DIDO1: variants seen among roughly 807,000 people sequenced by gnomAD.
DIDO1 encodes the protein death inducer-obliterator 1.
DIDO1 carries 16 observed loss-of-function variants against 99.4 expected under a neutral mutation model. That is an observed-to-expected ratio of 0.16 (90% confidence interval 0.11 to 0.24). The LOEUF is 0.24. Ranked by LOEUF, DIDO1 falls within the 10% of genes least tolerant of loss-of-function variation. The pLI, the probability that DIDO1 is intolerant of heterozygous loss-of-function variation, is 1.00. For missense variants in DIDO1, 2,996 were observed against 3,014.0 expected (o/e 0.99, Z 0.14); for synonymous variants, 1,366 against 1,239.1 (o/e 1.10, Z -2.15).
chr20:62,897,872 G>A (rs1207805169), intron 6 of DIDO1, among the ~76,000 whole-genome samples: 1 of 152,238 alleles, frequency 6.6e-6, no homozygotes, highest in Non-Finnish European at 1.5e-5. Context: ...GCATGCCGGG[G>A]CAGGGATCCA....
intron 15 of DIDO1, chr20:62,890,343 C>G (rs2064372207): frequency 1.9e-5 from 19 of 986,146 alleles, no homozygotes; most frequent in Non-Finnish European, 2.3e-5. Flanking sequence ...CCCCTGGAAT[C>G]ACCCTCAACC....
intron 6 of DIDO1, among the ~76,000 whole-genome samples, chr20:62,899,771 T>A (rs987819923): frequency 3.3e-5 from 5 of 152,182 alleles, no homozygotes; most frequent in African/African-American, 1.2e-4. Context: ...AAGCCGGGCC[T>A]CTGGGAGCAG....
At chr20:62,906,805 C>T (rs1000244659) in intron 5 of DIDO1, among the ~76,000 whole-genome samples, 33 of 152,282 alleles carry the variant, frequency 2.2e-4, no homozygotes, top group Admixed American at 4.6e-4. Flanking sequence ...GCCCCGAACC[C>T]GCCTCCCACT....
At chr20:62,906,768 C>T (rs998430131) in intron 5 of DIDO1, among the ~76,000 whole-genome samples, 2 of 152,054 alleles carry the variant, frequency 1.3e-5, no homozygotes, top group Admixed American at 1.3e-4. Flanking sequence ...CTCTGAGAGC[C>T]GGGTCTTAAA....
At chr20:62,888,248 G>C (rs1174778159) in intron 15 of DIDO1, 1 of 985,370 alleles carries the variant, frequency 1.0e-6, no homozygotes, top group African/African-American at 1.7e-5. Flanking sequence ...GCAATTGTGT[G>C]GTATAAACTG....
Position 62,896,161 on chromosome 20 carries a change from A to G in DIDO1, c.2214+72T>C. On this transcript the variant is annotated intron_variant, in intron 8 of 15. Transcript: ENST00000395343. This position sits in a 1 kb window ranked among gnomAD's most constrained non-coding sequence, Gnocchi z 4.4. ...CTGGAAAGGACACGAACATCTCAAA[A>G]TATTGGTTGATCCCTTTAGCACCCA... The G allele has an allele frequency of 7.0e-7, 1 of 1,432,874 alleles. No individual in the cohort carries two copies. Among genetic ancestry groups the G allele is most frequent in the Non-Finnish European group, 9.5e-7 (1 of 1,051,818 alleles). The allele number at this position is 1,432,874 out of a possible 1,614,324, so 88.8% of individuals were successfully genotyped here.
Position 62,881,119 on chromosome 20 carries a change from CT to C in DIDO1, c.4836del (p.Glu1613SerfsTer251), listed in dbSNP as rs753375463. 6.2e-7 allele frequency: 1 copy of C among 1,609,222 alleles called. No homozygotes were observed. On this transcript the variant is annotated frameshift_variant, in exon 16 of 16. Coordinates refer to ENST00000395343, the MANE Select transcript of DIDO1 (RefSeq NM_001193369.2). LOFTEE classifies it low-confidence loss of function (END_TRUNC). The surrounding 1 kb of genome is among the most constrained non-coding windows in gnomAD (Gnocchi z 8.3). ...GAAGCCCAGGGGGAAGAGGCTGGCT[CT>C]TTTTCCTCCGGGACTGGCATGGGCG... is the stretch of plus-strand genomic sequence containing the variant. Reference protein sequence around the residue: ...GQAPMPVPEEKEPASSPWASG... With the variant: ...GQAPMPVPEEXEPASSPWASG...
At chr20:62,890,693 G>A (rs2147385304) in intron 15 of DIDO1, 2 of 1,319,916 alleles carry the variant, frequency 1.5e-6, no homozygotes, top group East Asian at 6.6e-5. Flanking sequence ...TCTCTGACCT[G>A]AGGCCAAGAT....
intron 1 of DIDO1, among the ~76,000 whole-genome samples, chr20:62,918,425 G>A (rs560337109): frequency 4.3e-4 from 66 of 152,348 alleles, no homozygotes; most frequent in African/African-American, 1.5e-3. Flanking sequence ...GTGAGCCACA[G>A]TGCCCAGCTC....
At chr20:62,925,123 C>G (rs574879221) in intron 1 of DIDO1, among the ~76,000 whole-genome samples, 54 of 152,210 alleles carry the variant, frequency 3.5e-4, no homozygotes, top group African/African-American at 1.3e-3. Flanking sequence ...TAACAGCAAC[C>G]CAAAGGGCCA....
At chr20:62,886,168 G>A (rs2064294805) in intron 15 of DIDO1, among the ~76,000 whole-genome samples, 1 of 152,212 alleles carries the variant, frequency 6.6e-6, no homozygotes, top group Non-Finnish European at 1.5e-5. Flanking sequence ...AAGCAACCAG[G>A]GGCCGGGGCT....
rs1010067716 is a variant in DIDO1 at position 62,887,959 on chromosome 20, A to G, written c.3541+3001T>C. 9 of 985,468 alleles carry G rather than the reference A, an allele frequency of 9.1e-6. No homozygotes were observed. The African/African-American group carries it at 1.4e-4, about 15-fold the overall frequency. The allele number at this position is 985,468 out of a possible 1,614,324, so 61.0% of individuals were successfully genotyped here. A position where few individuals can be genotyped will look rare whatever the true frequency, so the allele number is the denominator to read the frequency against. On this transcript the variant is annotated intron_variant, in intron 15 of 15. Transcript: ENST00000395343. ...GACAACCCGGTGTTTCTGTGGACAA[A>G]TCATTAAGATATGCAAGGACAAATG...
At position 62,894,875 on chromosome 20, in the gene DIDO1, T is replaced by C. The variant is rs1388556240; in HGVS notation, c.2371A>G (p.Lys791Glu). 27 of 1,614,066 alleles carry C rather than the reference T, an allele frequency of 1.7e-5. No homozygotes were observed. The highest frequency in any genetic ancestry group is 2.3e-5 in the Non-Finnish European group (27 of 1,180,046). ...ATGGCCTCCTGCCTGGGGGCCGTCT[T>C]CTTGCTTTCATTGTGCAGTTTAGTT... ...SRTKLHNESK[K>E]TAPRQEAIPD... The change falls in exon 10 of 16, where the codon AAG becomes GAG. Residue 791 changes from lysine (K) to glutamate (E), a missense_variant. By Grantham distance (56) the Lys-to-Glu change is moderately conservative. This residue lies in a region of DIDO1 where 898 missense variants were observed against 972.7 expected (regional missense o/e 0.92). Coordinates refer to ENST00000395343, the MANE Select transcript of DIDO1 (RefSeq NM_001193369.2). This position sits in a 1 kb window ranked among gnomAD's most constrained non-coding sequence, Gnocchi z 4.4.
chr20:62,900,499 C>T lies in DIDO1; in HGVS notation c.1589-3503G>A, dbSNP rs1026313095. 2.6e-5 allele frequency among the ~76,000 whole-genome samples: 4 copies of T among 152,262 alleles called. No individual in the cohort carries two copies. The East Asian group carries it at 5.8e-4, about 22-fold the overall frequency. ...CCCCCACTGGAGGATGGTGCTACTC[C>T]GCTCCTCTCTGCAGAACCCATCCAA... On this transcript the variant is annotated intron_variant, in intron 6 of 15. Transcript: ENST00000395343.
At position 62,907,304 on chromosome 20, in the gene DIDO1, G is replaced by A. The variant is rs2064829307; in HGVS notation, c.1217C>T (p.Ala406Val). The change falls in exon 5 of 16, where the codon GCG becomes GTG. Residue 406 changes from alanine to valine, a missense_variant. Around this residue, in one of 5 missense-constraint regions of DIDO1, gnomAD observed 898 missense variants for 972.7 expected, o/e 0.92. Coordinates refer to ENST00000395343, the MANE Select transcript of DIDO1 (RefSeq NM_001193369.2). The stretch of plus-strand genomic sequence containing the variant: ...ACTGCAGTACACCGAGTCGGGCTGC[G>A]CCACGTGACAGCACCCGGGGCCAAT... ...KCIGPGCCHV[A>V]QPDSVYCSND... 3.7e-6 allele frequency: 6 copies of A among 1,614,206 alleles called. No individual in the cohort carries two copies. The highest frequency in any genetic ancestry group is 1.7e-6 in the Non-Finnish European group (2 of 1,180,048).
rs1042196383 is a variant in DIDO1, at chr20:62,879,791, G to C, written c.6165C>G (p.Pro2055=). 9.9e-6 allele frequency: 16 copies of C among 1,611,232 alleles called. No homozygotes were observed. The highest frequency in any genetic ancestry group is 1.3e-5 in the Non-Finnish European group (15 of 1,179,760). ...GPPSALSSSA[P]GQGPEADGQW... ...GTCCGTCGGCCTCGGGGCCCTGTCC[G>C]GGCGCACTGGAGGAGAGCGCGGAGG... Residue 2055 remains proline, a synonymous_variant, in exon 16 of 16, where the codon CCC becomes CCG. Transcript: ENST00000395343. The surrounding 1 kb of genome is among the most constrained non-coding windows in gnomAD (Gnocchi z 6.3).
At position 62,879,320 on chromosome 20, in the gene DIDO1, C is replaced by T; in HGVS notation, c.6636G>A (p.Lys2212=). 6.4e-7 allele frequency: 1 copy of T among 1,567,744 alleles called. No individual in the cohort carries two copies. Among genetic ancestry groups the T allele is most frequent in the Non-Finnish European group, 8.6e-7 (1 of 1,158,634 alleles). ...ARDRERGRDR[K]DRSKSKESAR... ...CGCTCTCTTTGCTCTTGCTCCGGTC[C>T]TTGCGGTCGCGGCCCCGCTCCCTGT... Residue 2212 remains lysine, a synonymous_variant, in exon 16 of 16, where the codon AAG becomes AAA. Transcript: ENST00000395343. The surrounding 1 kb of genome is among the most constrained non-coding windows in gnomAD (Gnocchi z 6.3).
At position 62,881,196 on chromosome 20, in the gene DIDO1, T is replaced by G. The variant is rs769920481; in HGVS notation, c.4760A>C (p.Gln1587Pro). 1.9e-6 allele frequency: 3 copies of G among 1,607,270 alleles called. No homozygotes were observed. In the Admixed American group the frequency reaches 5.0e-5, roughly 27 times the overall value. Residue 1587 changes from glutamine to proline, a missense_variant, in exon 16 of 16, where the codon CAG becomes CCG. Around this residue, in one of 5 missense-constraint regions of DIDO1, gnomAD observed 1,562 missense variants for 1,412.6 expected, o/e 1.11. Transcript: ENST00000395343. This position sits in a 1 kb window ranked among gnomAD's most constrained non-coding sequence, Gnocchi z 8.3. ...AGCATCTCTCTCGGGCAGGGCACCC[T>G]GGGCACCACGTGCCGAGAGCCTGGA... is the stretch of plus-strand genomic sequence containing the variant. ...PLSRLSARGAQGALPERDASR... is the reference protein window; with the variant it reads ...PLSRLSARGAPGALPERDASR...
intron 12 of DIDO1, 96 bp downstream of exon 12, chr20:62,893,570 C>T: frequency 7.2e-7 from 1 of 1,391,616 alleles, no homozygotes; most frequent in South Asian, 1.5e-5. Context: ...TTTCAGGTTA[C>T]ATTTCCAAGT....
Sources: gnomAD v4.1 joint callset for allele counts (sites outside exome capture counted in the v4.1 genomes callset) on GRCh38, gnomAD v4.1.1 for gene constraint, gnomAD v4.1.1 regional missense constraint, Gnocchi (gnomAD v3.1) non-coding constraint, MANE v1.5 for transcripts, NCBI Gene and HGNC (gene_info 2026-07-23, HGNC 2026-07-21) for gene names.